The following ZNF608 variants were observed in gnomAD, a reference collection of about 807,000 sequenced individuals.
The protein encoded by ZNF608 is zinc finger protein 608, also known as renal carcinoma antigen NY-REN-36.
A neutral mutation model predicts 109.0 loss-of-function variants in ZNF608; 12 were observed. That is an observed-to-expected ratio of 0.11 (90% confidence interval 0.07 to 0.18). The LOEUF (loss-of-function observed/expected upper bound fraction) is 0.18. Ranked by LOEUF, ZNF608 falls within the 10% of genes least tolerant of loss-of-function variation. ZNF608 has a pLI of 1.00. For missense variants in ZNF608, 1,707 were observed against 1,879.3 expected (o/e 0.91, Z 1.70); for synonymous variants, 732 against 717.4 (o/e 1.02, Z -0.33).
chr5:124,656,589 C>T lies in ZNF608; in HGVS notation c.1163-6892G>A, dbSNP rs528383107. ...TCATCTAAACCCAATCCACATACAA[C>T]GACAACAAAAAATGAAACCTTAAGC... is the stretch of plus-strand genomic sequence containing the variant. On this transcript the variant is annotated intron_variant, in intron 3 of 9. Coordinates refer to ENST00000513986, the MANE Select transcript of ZNF608 (RefSeq NM_020747.3). Among the ~76,000 whole-genome samples, 41 of 151,998 alleles carry T rather than the reference C, an allele frequency of 2.7e-4. No individual in the cohort carries two copies. The South Asian group carries it at 7.9e-3, about 29-fold the overall frequency.
intron 3 of ZNF608, among the ~76,000 whole-genome samples, chr5:124,669,654 CACAA>C (rs1304391847): frequency 4.8e-5 from 4 of 84,092 alleles, no homozygotes; most frequent in African/African-American, 1.5e-4. Context: ...CCCAAACACA[CACAA>C]ACACACACAC....
chr5:124,713,895 G>T (rs1409109978), intron 2 of ZNF608, among the ~76,000 whole-genome samples: 2 of 152,018 alleles, frequency 1.3e-5, no homozygotes, highest in Non-Finnish European at 2.9e-5. Context: ...ATCTCTGAAT[G>T]AAAAATAATA....
intron 2 of ZNF608, among the ~76,000 whole-genome samples, chr5:124,723,057 G>A (rs1309551274): frequency 1.3e-5 from 2 of 150,706 alleles, no homozygotes; most frequent in South Asian, 2.1e-4. Flanking sequence ...TTGAGACAAG[G>A]TCTTTCTGTG....
intron 6 of ZNF608, 93 bp downstream of exon 6, chr5:124,644,151 C>A: frequency 8.5e-7 from 1 of 1,172,762 alleles, no homozygotes; most frequent in Non-Finnish European, 1.2e-6. Context: ...ACAAATGTCA[C>A]TCTTGAAGCT....
intron 3 of ZNF608, among the ~76,000 whole-genome samples, chr5:124,674,378 A>T (rs938183869): frequency 2.0e-5 from 3 of 152,224 alleles, no homozygotes; most frequent in Admixed American, 2.0e-4. Context: ...CCCAAATATC[A>T]GTAGGTTTTA....
chr5:124,727,892 AC>A (rs1293721827), intron 2 of ZNF608, among the ~76,000 whole-genome samples: 1 of 152,068 alleles, frequency 6.6e-6, no homozygotes, highest in Non-Finnish European at 1.5e-5. Context: ...GGCATGTGCC[AC>A]CATGCCCGAC....
intron 3 of ZNF608, among the ~76,000 whole-genome samples, chr5:124,689,517 T>C (rs1476107559): frequency 6.7e-6 from 1 of 149,284 alleles, no homozygotes; most frequent in Non-Finnish European, 1.5e-5. Context: ...AGAACTAGTT[T>C]CCAAAATATT....
chr5:124,666,546 G>C (rs1300925494), intron 3 of ZNF608: 1 of 152,084 alleles, frequency 6.6e-6, no homozygotes, highest in Non-Finnish European at 1.5e-5. Flanking sequence ...TCATGTACCT[G>C]GCTCCTAATA....
rs765509184 is a variant in ZNF608, at chr5:124,643,542, T to C, written c.4265A>G (p.His1422Arg). Residue 1422 changes from histidine (H) to arginine (R), a missense_variant, in exon 7 of 10, where the codon CAT (histidine) becomes CGT (arginine). Physicochemically the swap from His to Arg is conservative, Grantham distance 29. Coordinates refer to ENST00000513986, the MANE Select transcript of ZNF608 (RefSeq NM_020747.3). ...AGACTTGCTGCGGTATTGGTTAGCATGCTGCTGGAGCAAATCCAGTGCTTT... is the reference window on the plus strand; with the variant it reads ...AGACTTGCTGCGGTATTGGTTAGCACGCTGCTGGAGCAAATCCAGTGCTTT... ...ESKALDLLQQHANQYRSKSPA... is the reference protein window; with the variant it reads ...ESKALDLLQQRANQYRSKSPA... 12 of 1,614,230 alleles carry C rather than the reference T, an allele frequency of 7.4e-6. No homozygotes were observed. Among genetic ancestry groups the C allele is most frequent in the Non-Finnish European group, 1.0e-5 (12 of 1,180,040 alleles).
At chr5:124,701,629 T>C (rs1345442523) in intron 2 of ZNF608, among the ~76,000 whole-genome samples, 2 of 152,184 alleles carry the variant, frequency 1.3e-5, no homozygotes, top group African/African-American at 4.8e-5. Flanking sequence ...CTTTAAAAAT[T>C]ATAACAGTTT....
Position 124,648,514 on chromosome 5 carries a change from C to A in ZNF608, c.1870G>T (p.Ala624Ser), listed in dbSNP as rs1371673007. The change falls in exon 5 of 10, where the codon GCA (alanine) becomes TCA (serine). Residue 624 changes from alanine (A) to serine (S), a missense_variant. By Grantham distance (99) the Ala-to-Ser change is moderately conservative. This residue lies in a region of ZNF608 where 1,073 missense variants were observed against 1,133.5 expected (regional missense o/e 0.95). Coordinates refer to ENST00000513986, the MANE Select transcript of ZNF608 (RefSeq NM_020747.3). Reference protein sequence around the residue: ...TSVSAYDQLKAPASPGAGNPP... With the variant: ...TSVSAYDQLKSPASPGAGNPP... ...TTTCCAGCACCAGGGGATGCCGGTG[C>A]CTTCAACTGGTCATAAGCAGATACA... 1 of 1,614,186 alleles carries A rather than the reference C, an allele frequency of 6.2e-7. No individual in the cohort carries two copies. Among genetic ancestry groups the A allele is most frequent in the Non-Finnish European group, 8.5e-7 (1 of 1,180,030 alleles).
chr5:124,686,774 A>G (rs1303630154), intron 3 of ZNF608, among the ~76,000 whole-genome samples: 1 of 152,242 alleles, frequency 6.6e-6, no homozygotes, highest in Non-Finnish European at 1.5e-5. Flanking sequence ...GTCAACATGG[A>G]TATGAGGAAG....
At chr5:124,703,917 CCT>C (rs151273797) in intron 2 of ZNF608, among the ~76,000 whole-genome samples, 2 of 151,130 alleles carry the variant, frequency 1.3e-5, no homozygotes, top group Admixed American at 6.6e-5. Context: ...CACACACACC[CCT>C]CTCTCTCTCT....
chr5:124,728,037 G>A (rs1327957403), intron 2 of ZNF608, among the ~76,000 whole-genome samples: 2 of 152,122 alleles, frequency 1.3e-5, no homozygotes, highest in African/African-American at 4.8e-5. Flanking sequence ...ACTGTGCCGG[G>A]CCCCAAGTAT....
chr5:124,698,322 C>T (rs1431648907), intron 3 of ZNF608, among the ~76,000 whole-genome samples: 1 of 152,334 alleles, frequency 6.6e-6, no homozygotes. Context: ...AATGGTTGCA[C>T]ATTAAACATA....
At chr5:124,746,108 T>G in intron 1 of ZNF608, 87 bp downstream of exon 1, 6 of 984,526 alleles carry the variant, frequency 6.1e-6, no homozygotes, top group Non-Finnish European at 7.2e-6. Flanking sequence ...TTTAAAGGGA[T>G]CAGCCCCTTT....
At chr5:124,743,968 A>G in intron 2 of ZNF608, 116 bp downstream of exon 2, 1 of 1,423,830 alleles carries the variant, frequency 7.0e-7, no homozygotes, top group South Asian at 1.5e-5. Flanking sequence ...TATCATAGAA[A>G]TCTCACAAAG....
In ZNF608 at chr5:124,746,479, T is replaced by C. The variant is rs2149911886; in HGVS notation, c.-468A>G. ...ACAACAGAAGCACCAAAGGTTTTTT[T>C]TTCCTCTTAACAAGCATCGAGAATA... is the stretch of plus-strand genomic sequence containing the variant. On this transcript the variant is annotated 5_prime_UTR_variant, in exon 1 of 10. Coordinates refer to ENST00000513986, the MANE Select transcript of ZNF608 (RefSeq NM_020747.3). The C allele has an allele frequency of 1.0e-6, 1 of 985,428 alleles. No individual in the cohort carries two copies. The highest frequency in any genetic ancestry group is 4.7e-5 in the South Asian group (1 of 21,290). The allele number at this position is 985,428 out of a possible 1,614,324, so 61.0% of individuals were successfully genotyped here.
upstream of ZNF608, chr5:124,748,562 C>A: frequency 1.0e-6 from 1 of 985,422 alleles, no homozygotes; most frequent in Non-Finnish European, 1.2e-6. Flanking sequence ...TGACCTTTTC[C>A]TTCTAACTGC....
Sources: allele counts gnomAD v4.1 joint callset (sites outside exome capture counted in the v4.1 genomes callset), GRCh38; gene constraint gnomAD v4.1.1; regional missense constraint gnomAD v4.1.1; transcripts MANE v1.5; gene names NCBI Gene and HGNC (gene_info 2026-07-23, HGNC 2026-07-21).